The following CNTNAP2 variants were observed in gnomAD, a reference collection of about 807,000 sequenced individuals.
CNTNAP2 encodes the protein contactin-associated protein-like 2.
Under a neutral mutation model 155.2 loss-of-function variants are expected in CNTNAP2, and 98 were observed. The ratio of observed to expected loss-of-function variants is 0.63; its 90% CI spans 0.54 to 0.75. The LOEUF (loss-of-function observed/expected upper bound fraction) is 0.75. Among genes scored for constraint, CNTNAP2 ranks in the 30% least tolerant of loss-of-function variants. The pLI, the probability that CNTNAP2 is intolerant of heterozygous loss-of-function variation, is 0.00. For missense variants in CNTNAP2, 1,727 were observed against 1,688.1 expected, an observed-to-expected ratio of 1.02 and a Z score of -0.40; for synonymous variants, 651 against 631.2, an observed-to-expected ratio of 1.03 and a Z score of -0.47.
At chr7:146,800,610 T>A (rs888897121) in intron 2 of CNTNAP2, among the ~76,000 whole-genome samples, 4 of 152,164 alleles carry the variant, frequency 2.6e-5, no homozygotes, top group Non-Finnish European at 4.4e-5. Flanking sequence ...ACAGAGACAT[T>A]AACTAGAAGA....
At chr7:146,163,070 C>T (rs538894610) in intron 1 of CNTNAP2, among the ~76,000 whole-genome samples, 30 of 152,096 alleles carry the variant, frequency 2.0e-4, no homozygotes, top group Admixed American at 1.6e-3. Context: ...GACCAGTTAA[C>T]GGGTGCAGCA....
intron 10 of CNTNAP2, among the ~76,000 whole-genome samples, chr7:147,478,601 T>C (rs1215460210): frequency 1.3e-5 from 2 of 152,208 alleles, no homozygotes; most frequent in Non-Finnish European, 2.9e-5. Flanking sequence ...TTTCATTCAC[T>C]GAATGAAAGT....
At chr7:147,461,391 A>T (rs1181750037) in intron 10 of CNTNAP2, among the ~76,000 whole-genome samples, 10 of 152,174 alleles carry the variant, frequency 6.6e-5, no homozygotes, top group African/African-American at 2.4e-4. Flanking sequence ...TAGGATCAAG[A>T]TCCTCTAACC....
At chr7:147,653,563 G>C (rs777582341) in intron 13 of CNTNAP2, among the ~76,000 whole-genome samples, 1 of 152,242 alleles carries the variant, frequency 6.6e-6, no homozygotes, top group Non-Finnish European at 1.5e-5. Flanking sequence ...CCCTCAGTTC[G>C]ATTTTGTAAG....
At chr7:148,069,909 T>G (rs984424420) in intron 15 of CNTNAP2, among the ~76,000 whole-genome samples, 62 of 152,320 alleles carry the variant, frequency 4.1e-4, no homozygotes, top group Admixed American at 1.8e-3. Context: ...ATTCTAGATA[T>G]TATCTGAATA....
intron 3 of CNTNAP2, among the ~76,000 whole-genome samples, chr7:146,840,325 A>T (rs541609604): frequency 1.3e-5 from 2 of 152,230 alleles, no homozygotes. Context: ...GAACTTGTCC[A>T]TTTTATAATA....
intron 3 of CNTNAP2, among the ~76,000 whole-genome samples, chr7:146,894,815 T>C (rs1171484804): frequency 1.3e-5 from 2 of 152,306 alleles, no homozygotes; most frequent in East Asian, 3.9e-4. Flanking sequence ...CCAATAAATA[T>C]GAATGAACAG....
At chr7:146,633,661 C>T (rs1216527872) in intron 1 of CNTNAP2, among the ~76,000 whole-genome samples, 2 of 151,506 alleles carry the variant, frequency 1.3e-5, no homozygotes, top group African/African-American at 4.9e-5. Flanking sequence ...CATAGCGTCT[C>T]CACTAAAAAT....
At chr7:147,568,476 G>A (rs78900883) in intron 12 of CNTNAP2, among the ~76,000 whole-genome samples, 30,878 of 152,080 alleles carry the variant, frequency 0.2, 3,359 homozygotes, top group Admixed American at 0.29. Context: ...ATGACATTGA[G>A]GAGAGAAGAT....
intron 1 of CNTNAP2, among the ~76,000 whole-genome samples, chr7:146,642,221 A>G (rs1392051666): frequency 6.6e-6 from 1 of 151,702 alleles, no homozygotes; most frequent in Non-Finnish European, 1.5e-5. Flanking sequence ...GGTTAGTTAC[A>G]TATGTATACA....
At chr7:146,931,475 A>C (rs10261255) in intron 3 of CNTNAP2, among the ~76,000 whole-genome samples, 7 of 145,644 alleles carry the variant, frequency 4.8e-5, no homozygotes, top group African/African-American at 1.9e-4. Flanking sequence ...ATGCCCACAA[A>C]AGAAAGCAGA....
At position 146,282,242 on chromosome 7, in the gene CNTNAP2, G is replaced by A. The variant is rs550962462; in HGVS notation, c.97+165269G>A. Among the ~76,000 whole-genome samples the A allele has an allele frequency of 2.0e-3, 312 of 152,298 alleles. 3 individuals are homozygous for A. Among genetic ancestry groups the A allele is most frequent in the African/African-American group, 7.0e-3 (290 of 41,572 alleles). The stretch of plus-strand genomic sequence containing the variant: ...CGTGATCTTTCACCTCTGACCGGAC[G>A]TTTGTATCTTTTGCCCCCAACGTGG... On this transcript the variant is annotated intron_variant, in intron 1 of 23. Coordinates refer to ENST00000361727, the MANE Select transcript of CNTNAP2 (RefSeq NM_014141.6).
At chr7:146,907,268 G>C (rs1796154612) in intron 3 of CNTNAP2, among the ~76,000 whole-genome samples, 2 of 146,724 alleles carry the variant, frequency 1.4e-5, no homozygotes, top group Non-Finnish European at 3.0e-5. Flanking sequence ...TAGCAAGGCA[G>C]GCCAACGTTC....
intron 8 of CNTNAP2, among the ~76,000 whole-genome samples, chr7:147,138,303 C>T (rs1021982618): frequency 6.6e-6 from 1 of 151,586 alleles, no homozygotes; most frequent in African/African-American, 2.4e-5. Context: ...TTGGTGGATC[C>T]CAAAAGTGAG....
In CNTNAP2 at chr7:146,389,696, C is replaced by CT. The variant is rs1408040421; in HGVS notation, c.97+272729dup. Reference sequence around the variant, plus strand: ...TATTTCTTTTTTTCTTTTTTCTTTTCTTTTTTCTTTTTTTTTTTTTTTGAG... The same window carrying CT: ...TATTTCTTTTTTTCTTTTTTCTTTTCTTTTTTTCTTTTTTTTTTTTTTTGAG... On this transcript the variant is annotated intron_variant, in intron 1 of 23. Coordinates refer to ENST00000361727, the MANE Select transcript of CNTNAP2 (RefSeq NM_014141.6). 7.9e-3 allele frequency among the ~76,000 whole-genome samples: 1,114 copies of CT among 140,578 alleles called. 13 individuals carry two copies. The highest frequency in any genetic ancestry group is 0.029 in the African/African-American group (1,061 of 37,168). 92.2% of individuals were successfully genotyped at this position (140,578 alleles called of 152,430 possible).
In CNTNAP2 at chr7:148,365,846, G is replaced by A. The variant is rs1481868497; in HGVS notation, c.3476-17803G>A. Among the ~76,000 whole-genome samples, 72 of 104,552 alleles carry A rather than the reference G, an allele frequency of 6.9e-4. 5 individuals are homozygous for A. Among genetic ancestry groups the A allele is most frequent in the Non-Finnish European group, 1.3e-3 (62 of 46,882 alleles). 68.6% of individuals were successfully genotyped at this position (104,552 alleles called of 152,430 possible). ...CATGTGTATGCATGTATACATGCATGTGTATGCATGTATACATGTATGTGT... is the reference window on the plus strand; with the variant it reads ...CATGTGTATGCATGTATACATGCATATGTATGCATGTATACATGTATGTGT... On this transcript the variant is annotated intron_variant, in intron 21 of 23. Transcript: ENST00000361727.
chr7:146,136,809 G>T (rs148904721), intron 1 of CNTNAP2, among the ~76,000 whole-genome samples: 1 of 152,226 alleles, frequency 6.6e-6, no homozygotes, highest in African/African-American at 2.4e-5. Flanking sequence ...CCAGCAATTC[G>T]ATTTCTACTG....
intron 16 of CNTNAP2, among the ~76,000 whole-genome samples, chr7:148,121,298 C>A (rs776751075): frequency 2.6e-5 from 4 of 152,034 alleles, no homozygotes; most frequent in Non-Finnish European, 5.9e-5. Flanking sequence ...CTCCCAAAGC[C>A]CTAGGATTAC....
intron 3 of CNTNAP2, among the ~76,000 whole-genome samples, chr7:146,862,454 C>T (rs1795121984): frequency 6.6e-6 from 1 of 151,994 alleles, no homozygotes; most frequent in African/African-American, 2.4e-5. Context: ...AAGAAAGAGA[C>T]TCAAATGTCC....
Sources: allele counts gnomAD v4.1 joint callset (sites outside exome capture counted in the v4.1 genomes callset), GRCh38; gene constraint gnomAD v4.1.1; transcripts MANE v1.5; gene names NCBI Gene and HGNC (gene_info 2026-07-23, HGNC 2026-07-21).